Variants in CSMD1 observed in about 807,000 individuals in gnomAD.
CSMD1 encodes the protein CUB and Sushi multiple domains 1.
In CSMD1, 213 loss-of-function variants were observed where a neutral mutation model predicts 417.5. The ratio of observed to expected loss-of-function variants is 0.51; its 90% CI spans 0.46 to 0.57. The LOEUF (loss-of-function observed/expected upper bound fraction) is 0.57. CSMD1 is among the 20% of genes least tolerant of loss of function. CSMD1 has a pLI of 0.00. For missense variants in CSMD1, 6,923 were observed against 4,529.7 expected, an observed-to-expected ratio of 1.53 and a Z score of -15.17; for synonymous variants, 2,862 against 1,736.8, an observed-to-expected ratio of 1.65 and a Z score of -16.11.
chr8:4,903,398 C>A (rs979393747), intron 1 of CSMD1, among the ~76,000 whole-genome samples: 1 of 152,058 alleles, frequency 6.6e-6, no homozygotes, highest in Admixed American at 6.6e-5. Context: ...GTCTTTAAAA[C>A]GAAGTCCAAG....
At chr8:4,825,493 G>C (rs141567705) in intron 1 of CSMD1, among the ~76,000 whole-genome samples, 1 of 151,918 alleles carries the variant, frequency 6.6e-6, no homozygotes, top group Non-Finnish European at 1.5e-5. Flanking sequence ...TTGAAAGATC[G>C]CCCGATTTTT....
At chr8:3,786,305 G>A (rs1799454709) in intron 5 of CSMD1, among the ~76,000 whole-genome samples, 1 of 152,110 alleles carries the variant, frequency 6.6e-6, no homozygotes, top group African/African-American at 2.4e-5. Flanking sequence ...TGAGGGTGGA[G>A]ACAAAAATCC....
intron 8 of CSMD1, among the ~76,000 whole-genome samples, chr8:3,612,026 G>A (rs993141650): frequency 2.0e-5 from 3 of 152,008 alleles, no homozygotes; most frequent in African/African-American, 4.8e-5. Flanking sequence ...TTCCTTTTCA[G>A]CTATATGTAC....
At chr8:4,198,174 G>A (rs759724048) in intron 3 of CSMD1, among the ~76,000 whole-genome samples, 10 of 152,168 alleles carry the variant, frequency 6.6e-5, no homozygotes, top group African/African-American at 1.7e-4. Flanking sequence ...AGCATGATCA[G>A]GGGAGTCATT....
chr8:3,933,840 C>T (rs2688266), intron 5 of CSMD1, among the ~76,000 whole-genome samples: 125,156 of 152,092 alleles, frequency 0.82, 51,618 homozygotes, highest in Middle Eastern at 0.84. Flanking sequence ...CATGGACATA[C>T]TGCTGTGCTC....
chr8:3,777,225 A>G (rs929373689), intron 5 of CSMD1, among the ~76,000 whole-genome samples: 1 of 151,996 alleles, frequency 6.6e-6, no homozygotes, highest in African/African-American at 2.4e-5. Context: ...CTTCTCCTAT[A>G]GAACATGAGC....
At chr8:4,222,561 G>A (rs549374248) in intron 3 of CSMD1, among the ~76,000 whole-genome samples, 1 of 152,146 alleles carries the variant, frequency 6.6e-6, no homozygotes, top group Non-Finnish European at 1.5e-5. Flanking sequence ...ACAGAAAAAG[G>A]TTAAAGGCTA....
At chr8:3,614,995 G>A (rs562404629) in intron 8 of CSMD1, among the ~76,000 whole-genome samples, 2 of 152,312 alleles carry the variant, frequency 1.3e-5, no homozygotes, top group South Asian at 4.1e-4. Flanking sequence ...ACATAGAATG[G>A]GGAGCCCTTG....
intron 5 of CSMD1, among the ~76,000 whole-genome samples, chr8:3,770,591 C>T (rs982923690): frequency 6.6e-6 from 1 of 152,108 alleles, no homozygotes; most frequent in Non-Finnish European, 1.5e-5. Context: ...GCCTGTCGCA[C>T]ATGCAGAACG....
intron 3 of CSMD1, among the ~76,000 whole-genome samples, chr8:4,194,380 G>C (rs764121555): frequency 3.9e-5 from 6 of 152,040 alleles, no homozygotes; most frequent in Non-Finnish European, 7.4e-5. Flanking sequence ...TGCTCACATT[G>C]GCATCAGTCA....
At chr8:4,727,372 C>T (rs1034151034) in intron 1 of CSMD1, among the ~76,000 whole-genome samples, 1 of 152,160 alleles carries the variant, frequency 6.6e-6, no homozygotes, top group Non-Finnish European at 1.5e-5. Context: ...AACACTAATG[C>T]TCTCCATTGA....
intron 1 of CSMD1, among the ~76,000 whole-genome samples, chr8:4,730,195 G>A (rs1219561695): frequency 1.3e-5 from 2 of 152,076 alleles, no homozygotes; most frequent in East Asian, 3.9e-4. Flanking sequence ...GGATGGAAAA[G>A]AGGGAGACAG....
chr8:3,217,769 T>C (rs1483354226), intron 29 of CSMD1, among the ~76,000 whole-genome samples: 1 of 152,152 alleles, frequency 6.6e-6, no homozygotes, highest in African/African-American at 2.4e-5. Context: ...ATTCTGATGT[T>C]TGGGAGCAAA....
rs182451357 is a variant in CSMD1 at position 4,923,634 on chromosome 8, A to C, written c.85+70698T>G. Among the ~76,000 whole-genome samples the C allele has an allele frequency of 2.6e-5, 4 of 152,260 alleles. No homozygotes were observed. In the East Asian group the frequency reaches 7.7e-4, roughly 29 times the overall value. ...CATACACACTACACTTGTATTCTACATTGCTTCCTGCACTCACATGTTCTC... is the reference window on the plus strand; with the variant it reads ...CATACACACTACACTTGTATTCTACCTTGCTTCCTGCACTCACATGTTCTC... On this transcript the variant is annotated intron_variant, in intron 1 of 69. Transcript: ENST00000635120.
At chr8:4,311,575 G>A (rs1361767297) in intron 3 of CSMD1, among the ~76,000 whole-genome samples, 1 of 151,824 alleles carries the variant, frequency 6.6e-6, no homozygotes, top group Admixed American at 6.6e-5. Flanking sequence ...ATATAAAACT[G>A]AGCCAGGTGT....
intron 3 of CSMD1, among the ~76,000 whole-genome samples, chr8:4,324,934 G>A (rs972835535): frequency 1.3e-5 from 2 of 152,112 alleles, no homozygotes; most frequent in Non-Finnish European, 2.9e-5. Flanking sequence ...CCTCTTCACG[G>A]GAAGGAGGCA....
intron 5 of CSMD1, among the ~76,000 whole-genome samples, chr8:3,887,761 C>T (rs902003548): frequency 2.0e-5 from 3 of 152,172 alleles, no homozygotes; most frequent in African/African-American, 4.8e-5. Flanking sequence ...TGTAATATCT[C>T]CCTAAATGAA....
intron 1 of CSMD1, among the ~76,000 whole-genome samples, chr8:4,937,584 T>G (rs1461404134): frequency 6.6e-6 from 1 of 152,156 alleles, no homozygotes; most frequent in East Asian, 1.9e-4. Context: ...AGAACAAAGA[T>G]AGGAAAAGTC....
rs372719889 is a variant in CSMD1, at chr8:4,463,701, T to C, written c.303-43636A>G. On this transcript the variant is annotated intron_variant, in intron 2 of 69. Transcript: ENST00000635120. Reference sequence around the variant, plus strand: ...ACATTAAATGTCCAGAATAGGCCAATCCCTAGAGACGAAAATAAATTAGTG... The same window carrying C: ...ACATTAAATGTCCAGAATAGGCCAACCCCTAGAGACGAAAATAAATTAGTG... Among the ~76,000 whole-genome samples the C allele has an allele frequency of 2.6e-5, 4 of 152,280 alleles. No homozygotes were observed. In the East Asian group the frequency reaches 5.8e-4, roughly 22 times the overall value.
Sources: allele counts gnomAD v4.1 joint callset (sites outside exome capture counted in the v4.1 genomes callset), GRCh38; gene constraint gnomAD v4.1.1; transcripts MANE v1.5; gene names NCBI Gene and HGNC (gene_info 2026-07-23, HGNC 2026-07-21).